Variants in NTN1 observed in about 807,000 individuals in gnomAD.
NTN1 encodes netrin 1.
In NTN1, 11 loss-of-function variants were observed where a neutral mutation model predicts 54.2. The observed-to-expected ratio is 0.20, with a 90% CI of 0.13 to 0.34. The LOEUF is 0.34. NTN1 is among the 10% of genes least tolerant of loss of function. NTN1 has a pLI of 1.00. For missense variants in NTN1, 740 were observed against 893.1 expected (o/e 0.83, Z 2.18); for synonymous variants, 371 against 382.0 (o/e 0.97, Z 0.33).
intron 6 of NTN1, among the ~76,000 whole-genome samples, chr17:9,230,501 G>T (rs796311830): frequency 1.6e-4 from 24 of 148,772 alleles, no homozygotes; most frequent in African/African-American, 5.9e-4. Context: ...AGCTGGGCCC[G>T]CGTGAGTCAG....
intron 2 of NTN1, among the ~76,000 whole-genome samples, chr17:9,089,644 T>C (rs117924882): frequency 4.7e-4 from 72 of 152,234 alleles, no homozygotes; most frequent in Non-Finnish European, 6.2e-4. Flanking sequence ...ACCTGCTGTG[T>C]GCTTCCCCTG....
intron 5 of NTN1, among the ~76,000 whole-genome samples, chr17:9,217,056 AAAAG>A (rs1242347257): frequency 6.6e-6 from 1 of 151,988 alleles, no homozygotes; most frequent in Non-Finnish European, 1.5e-5. Flanking sequence ...AAAAAAAAAA[AAAAG>A]AAATATAAGG....
chr17:9,243,772 C>T lies in NTN1; in HGVS notation c.*3804C>T, dbSNP rs950578816. 5.3e-5 allele frequency: 8 copies of T among 151,538 alleles called. No individual in the cohort carries two copies. The highest frequency in any genetic ancestry group is 3.9e-4 in the East Asian group (2 of 5,132). 9.4% of individuals were successfully genotyped at this position (151,538 alleles called of 1,614,324 possible). A position where few individuals can be genotyped will look rare whatever the true frequency, so the allele number is the denominator to read the frequency against. On this transcript the variant is annotated 3_prime_UTR_variant, in exon 7 of 7. Coordinates refer to ENST00000173229, the MANE Select transcript of NTN1 (RefSeq NM_004822.3). Reference sequence around the variant, plus strand: ...TGTAAATGTTTAGTTGTGACCATGACGTATTGTTTGGGTCAATGTCCCTTT... The same window carrying T: ...TGTAAATGTTTAGTTGTGACCATGATGTATTGTTTGGGTCAATGTCCCTTT...
chr17:9,022,826 C>T lies in NTN1; in HGVS notation c.453C>T (p.Phe151=). The T allele has an allele frequency of 6.2e-7, 1 of 1,611,674 alleles. No homozygotes were observed. The highest frequency in any genetic ancestry group is 1.6e-4 in the Middle Eastern group (1 of 6,062). ...KFEVTYVSLQ[F]CSPRPESMAI... The stretch of plus-strand genomic sequence containing the variant: ...AAGTGACCTACGTGAGCCTGCAGTT[C>T]TGCTCGCCGCGGCCCGAGTCCATGG... Residue 151 remains phenylalanine, a synonymous_variant, in exon 2 of 7, where the codon TTC becomes TTT. Coordinates refer to ENST00000173229, the MANE Select transcript of NTN1 (RefSeq NM_004822.3).
At chr17:9,195,869 T>C (rs1460655050) in intron 5 of NTN1, among the ~76,000 whole-genome samples, 1 of 152,128 alleles carries the variant, frequency 6.6e-6, no homozygotes, top group Non-Finnish European at 1.5e-5. Flanking sequence ...CTAAAACTGC[T>C]CCAGACTTAA....
intron 2 of NTN1, among the ~76,000 whole-genome samples, chr17:9,123,499 C>G (rs545719690): frequency 5.3e-5 from 8 of 152,266 alleles, no homozygotes; most frequent in Admixed American, 2.6e-4. Flanking sequence ...CTATTAGATA[C>G]GTATTTTACA....
rs1313356752 is a variant in NTN1 at position 9,243,813 on chromosome 17, A to G, written c.*3845A>G. 1 of 143,498 alleles carries G rather than the reference A, an allele frequency of 7.0e-6. No individual in the cohort carries two copies. The highest frequency in any genetic ancestry group is 2.6e-5 in the African/African-American group (1 of 38,302). 8.9% of individuals were successfully genotyped at this position (143,498 alleles called of 1,614,324 possible). ...ATGTCCCTTTCCAATGCATACTAAT[A>G]TATTATGGTTATTATATATGAATAT... On this transcript the variant is annotated 3_prime_UTR_variant, in exon 7 of 7. Transcript: ENST00000173229.
At chr17:9,055,899 T>G (rs1307094924) in intron 2 of NTN1, among the ~76,000 whole-genome samples, 1 of 151,728 alleles carries the variant, frequency 6.6e-6, no homozygotes, top group Non-Finnish European at 1.5e-5. Flanking sequence ...TTTTTATTTT[T>G]TGTTTTTTTG....
At chr17:9,074,498 G>C (rs907683806) in intron 2 of NTN1, among the ~76,000 whole-genome samples, 5 of 152,198 alleles carry the variant, frequency 3.3e-5, no homozygotes, top group African/African-American at 7.2e-5. Flanking sequence ...TTCATGACTT[G>C]TTGGCTTCAG....
Position 9,022,883 on chromosome 17 carries a change from G to C in NTN1, c.510G>C (p.Thr170=), listed in dbSNP as rs760793333. Reference sequence around the variant, plus strand: ...ACAAGTCCATGGACTACGGGCGCACGTGGGTGCCCTTCCAGTTCTACTCCA... The same window carrying C: ...ACAAGTCCATGGACTACGGGCGCACCTGGGTGCCCTTCCAGTTCTACTCCA... ...AIYKSMDYGR[T]WVPFQFYSTQ... Residue 170 remains threonine, a synonymous_variant, in exon 2 of 7, where the codon ACG becomes ACC. Transcript: ENST00000173229. 2 of 1,612,248 alleles carry C rather than the reference G, an allele frequency of 1.2e-6. No individual in the cohort carries two copies. Among genetic ancestry groups the C allele is most frequent in the South Asian group, 2.2e-5 (2 of 91,030 alleles).
chr17:9,113,462 A>G (rs1472195165), intron 2 of NTN1, among the ~76,000 whole-genome samples: 3 of 152,292 alleles, frequency 2.0e-5, no homozygotes, highest in East Asian at 3.9e-4. Flanking sequence ...TTTGCTGACT[A>G]TTCATGGCAG....
At chr17:9,125,786 A>G (rs930176824) in intron 2 of NTN1, among the ~76,000 whole-genome samples, 5 of 152,112 alleles carry the variant, frequency 3.3e-5, no homozygotes, top group Non-Finnish European at 7.4e-5. Context: ...ATCTTTTTTT[A>G]TATTCATGAT....
chr17:9,069,945 C>T (rs979216492), intron 2 of NTN1, among the ~76,000 whole-genome samples: 1 of 152,170 alleles, frequency 6.6e-6, no homozygotes, highest in East Asian at 1.9e-4. Flanking sequence ...GTGGGTAACC[C>T]AGATACCAGT....
At chr17:9,187,019 A>G (rs534079865) in intron 5 of NTN1, among the ~76,000 whole-genome samples, 5 of 152,266 alleles carry the variant, frequency 3.3e-5, no homozygotes, top group African/African-American at 1.2e-4. Flanking sequence ...AAATGGGGTA[A>G]TCGCAACCCT....
At chr17:9,182,460 C>T (rs1020514480) in intron 4 of NTN1, among the ~76,000 whole-genome samples, 2 of 152,232 alleles carry the variant, frequency 1.3e-5, no homozygotes, top group Non-Finnish European at 2.9e-5. Flanking sequence ...AGAAACCTTT[C>T]CCTTTGGGCA....
chr17:9,150,099 A>T (rs1195206790), intron 2 of NTN1, among the ~76,000 whole-genome samples: 3 of 152,142 alleles, frequency 2.0e-5, no homozygotes, highest in Non-Finnish European at 4.4e-5. Context: ...GCTACTTGGG[A>T]GGCTGAGGCA....
chr17:9,109,635 G>A (rs1476278180), intron 2 of NTN1, among the ~76,000 whole-genome samples: 1 of 152,164 alleles, frequency 6.6e-6, no homozygotes, highest in Non-Finnish European at 1.5e-5. Context: ...GATTTCTCAA[G>A]GGTAGATACC....
upstream of NTN1, among the ~76,000 whole-genome samples, chr17:9,018,942 C>T (rs2091837665): frequency 1.3e-5 from 2 of 152,210 alleles, no homozygotes; most frequent in South Asian, 2.1e-4. Flanking sequence ...GCCACGCCCC[C>T]ACAAGAAATT....
intron 6 of NTN1, among the ~76,000 whole-genome samples, chr17:9,231,692 C>T (rs1178396145): frequency 6.8e-6 from 1 of 148,148 alleles, no homozygotes; most frequent in Non-Finnish European, 1.5e-5. Flanking sequence ...GAGAGGTTCT[C>T]AGCCGGGCCA....
Sources: gnomAD v4.1 joint callset for allele counts (sites outside exome capture counted in the v4.1 genomes callset) on GRCh38, gnomAD v4.1.1 for gene constraint, MANE v1.5 for transcripts, NCBI Gene and HGNC (gene_info 2026-07-23, HGNC 2026-07-21) for gene names.